The following DGKB variants were observed in gnomAD, a reference collection of about 807,000 sequenced individuals.
DGKB encodes diacylglycerol kinase beta.
DGKB carries 67 observed loss-of-function variants against 114.3 expected under a neutral mutation model. That is an observed-to-expected ratio of 0.59 (90% CI 0.48 to 0.72). The LOEUF (loss-of-function observed/expected upper bound fraction) is 0.72, where lower values mean the gene tolerates loss of function less well. DGKB is among the 30% of genes least tolerant of loss of function. DGKB has a pLI of 0.00. For synonymous variants in DGKB, 398 were observed against 323.1 expected (o/e 1.23, Z -2.49); for missense variants, 907 against 975.2 (o/e 0.93, Z 0.93).
chr7:14,932,305 T>G (rs1213543368), intron 1 of DGKB, among the ~76,000 whole-genome samples: 2 of 152,204 alleles, frequency 1.3e-5, no homozygotes. Flanking sequence ...AAATCTTCCC[T>G]TTGCTTTTCT....
intron 25 of DGKB, chr7:14,176,607 C>A (rs1012663607): frequency 8.9e-6 from 11 of 1,232,046 alleles, no homozygotes; most frequent in African/African-American, 1.5e-5. Flanking sequence ...TTTAAAAGAT[C>A]TATTTATACT....
At chr7:14,432,363 C>G (rs1828578210) in intron 21 of DGKB, among the ~76,000 whole-genome samples, 1 of 152,164 alleles carries the variant, frequency 6.6e-6, no homozygotes, top group Non-Finnish European at 1.5e-5. Context: ...GCCCCATCAT[C>G]ACTCCCTCCG....
intron 25 of DGKB, among the ~76,000 whole-genome samples, chr7:14,152,080 C>T (rs148538985): frequency 1.3e-5 from 2 of 151,868 alleles, no homozygotes; most frequent in African/African-American, 4.8e-5. Flanking sequence ...GACTCTGATG[C>T]CTGTTTTGTA....
rs1323373936 is a variant in DGKB, at chr7:14,321,255, C to T, written c.2122+17260G>A. Among the ~76,000 whole-genome samples, 11 of 152,074 alleles carry T rather than the reference C, an allele frequency of 7.2e-5. No homozygotes were observed. In the East Asian group the frequency reaches 1.9e-3, roughly 27 times the overall value. ...GCAGTAAGCCAGTATCACATCACTGCACTTCAGCCTGGGCAACAGAGTGAT... is the reference window on the plus strand; with the variant it reads ...GCAGTAAGCCAGTATCACATCACTGTACTTCAGCCTGGGCAACAGAGTGAT... On this transcript the variant is annotated intron_variant, in intron 23 of 25. Coordinates refer to ENST00000402815, the MANE Select transcript of DGKB (RefSeq NM_001350709.2).
rs376315809 is a variant in DGKB, at chr7:14,328,727, T to C, written c.2122+9788A>G. ...AACAGTGCAGCATTCAGCAGGTATT[T>C]GAACTTTCTAAAAAATGCTCCCCAG... is the stretch of plus-strand genomic sequence containing the variant. On this transcript the variant is annotated intron_variant, in intron 23 of 25. Coordinates refer to ENST00000402815, the MANE Select transcript of DGKB (RefSeq NM_001350709.2). Among the ~76,000 whole-genome samples, 27 of 152,122 alleles carry C rather than the reference T, an allele frequency of 1.8e-4. No homozygotes were observed. In the South Asian group the frequency reaches 5.2e-3, roughly 29 times the overall value.
intron 1 of DGKB, among the ~76,000 whole-genome samples, chr7:14,895,722 T>C (rs1173344220): frequency 6.6e-6 from 1 of 151,660 alleles, no homozygotes; most frequent in East Asian, 1.9e-4. Flanking sequence ...GACCGTGGTA[T>C]AAGTAAGTAC....
intron 1 of DGKB, among the ~76,000 whole-genome samples, chr7:14,858,635 C>T (rs1234878331): frequency 6.6e-6 from 1 of 151,852 alleles, no homozygotes; most frequent in East Asian, 1.9e-4. Context: ...GGCAGAGCAC[C>T]GTGAGGGATA....
rs1309382280 is a variant in DGKB, at chr7:14,421,002, ACGTGGGCCAAG to A, written c.1835+57148_1835+57158del. On this transcript the variant is annotated intron_variant, in intron 21 of 25. Transcript: ENST00000402815. ...GAAAATGGAAAGTACCTCTGATTGG[ACGTGGGCCAAG>A]CGTGGGCCAATCCTTCATTTGCATA... is the stretch of plus-strand genomic sequence containing the variant. 5.9e-5 allele frequency among the ~76,000 whole-genome samples: 9 copies of A among 152,150 alleles called. No homozygotes were observed. The South Asian group carries it at 1.5e-3, about 25-fold the overall frequency.
intron 21 of DGKB, among the ~76,000 whole-genome samples, chr7:14,475,467 A>G (rs1782030586): frequency 6.6e-6 from 1 of 152,142 alleles, no homozygotes; most frequent in African/African-American, 2.4e-5. Flanking sequence ...AAATGTATAG[A>G]TTGAAACATA....
At chr7:14,761,578 C>A (rs1473809189) in intron 2 of DGKB, among the ~76,000 whole-genome samples, 2 of 152,150 alleles carry the variant, frequency 1.3e-5, no homozygotes, top group African/African-American at 2.4e-5. Flanking sequence ...CTAGGCCTGA[C>A]CTGCCTTCTA....
rs201155130 is a variant in DGKB, at chr7:14,896,437, TATA to T, written c.-188+6152_-188+6154del. 5.1e-3 allele frequency among the ~76,000 whole-genome samples: 774 copies of T among 151,790 alleles called. 7 individuals carry two copies. The highest frequency in any genetic ancestry group is 0.017 in the African/African-American group (690 of 41,494). On this transcript the variant is annotated intron_variant, in intron 1 of 25. Transcript: ENST00000402815. ...AAGTAATGAAATCTTACAAAGTGTTTATAATAATATTTAATAAATTTTGTAGCC... is the reference window on the plus strand; with the variant it reads ...AAGTAATGAAATCTTACAAAGTGTTTATAATATTTAATAAATTTTGTAGCC...
intron 1 of DGKB, among the ~76,000 whole-genome samples, chr7:14,925,365 C>A (rs188222038): frequency 1.3e-5 from 2 of 152,010 alleles, no homozygotes. Flanking sequence ...ATGTATTTTG[C>A]GCATATTTTT....
chr7:14,525,363 C>T (rs1007558268), intron 20 of DGKB, among the ~76,000 whole-genome samples: 1 of 152,114 alleles, frequency 6.6e-6, no homozygotes, highest in East Asian at 1.9e-4. Flanking sequence ...ACCTTAGTTG[C>T]AGATTAAAAA....
intron 23 of DGKB, among the ~76,000 whole-genome samples, chr7:14,317,688 A>G (rs1000397008): frequency 6.2e-5 from 7 of 112,524 alleles, no homozygotes; most frequent in South Asian, 4.1e-4. Flanking sequence ...AAGAATCAAT[A>G]TTGTGAAAAT....
At chr7:14,743,812 TG>T (rs1302799961) in intron 4 of DGKB, among the ~76,000 whole-genome samples, 2 of 152,210 alleles carry the variant, frequency 1.3e-5, no homozygotes, top group African/African-American at 4.8e-5. Context: ...CTGGTCATTT[TG>T]TTATTCATAA....
At chr7:14,477,160 C>T (rs1276420497) in intron 21 of DGKB, among the ~76,000 whole-genome samples, 3 of 152,132 alleles carry the variant, frequency 2.0e-5, no homozygotes, top group African/African-American at 7.2e-5. Context: ...ATTTAGAAAA[C>T]TATAAAACAA....
At position 14,283,451 on chromosome 7, in the gene DGKB, C is replaced by T. The variant is rs534646589; in HGVS notation, c.2122+55064G>A. ...TGGCCATACTGCCCAAGGTAATTTA[C>T]AGATTCAATGCCATCCCCATCAAGC... On this transcript the variant is annotated intron_variant, in intron 23 of 25. Coordinates refer to ENST00000402815, the MANE Select transcript of DGKB (RefSeq NM_001350709.2). 1.9e-3 allele frequency among the ~76,000 whole-genome samples: 286 copies of T among 150,996 alleles called. 2 individuals are homozygous for T. The highest frequency in any genetic ancestry group is 6.7e-3 in the African/African-American group (273 of 40,854).
At chr7:14,446,493 A>G (rs1187716957) in intron 21 of DGKB, among the ~76,000 whole-genome samples, 1 of 152,138 alleles carries the variant, frequency 6.6e-6, no homozygotes, top group African/African-American at 2.4e-5. Flanking sequence ...CACATGACAT[A>G]CAGACAGACA....
intron 2 of DGKB, among the ~76,000 whole-genome samples, chr7:14,829,984 G>A (rs1298040566): frequency 6.6e-6 from 1 of 151,998 alleles, no homozygotes; most frequent in African/African-American, 2.4e-5. Context: ...GAAGAGAGAA[G>A]GCTCTAGAGA....
Sources: gnomAD v4.1 joint callset for allele counts (sites outside exome capture counted in the v4.1 genomes callset) on GRCh38, gnomAD v4.1.1 for gene constraint, MANE v1.5 for transcripts, NCBI Gene and HGNC (gene_info 2026-07-23, HGNC 2026-07-21) for gene names.